Variants in YWHAE observed in about 807,000 individuals in gnomAD.
The protein encoded by YWHAE is tyrosine 3-monooxygenase/tryptophan 5-monooxygenase activation protein epsilon.
Under a neutral mutation model 30.1 loss-of-function variants are expected in YWHAE, and 4 were observed. That is an observed-to-expected ratio of 0.13 (90% CI 0.07 to 0.30). The LOEUF is 0.30. Among genes scored for constraint, YWHAE ranks in the 10% least tolerant of loss-of-function variants. The probability of loss-of-function intolerance (pLI) is 1.00; values close to 1 mark genes in which losing one functional copy is unlikely to be tolerated. For synonymous variants in YWHAE, 118 were observed against 111.8 expected (o/e 1.06, Z -0.35); for missense variants, 121 against 315.9 (o/e 0.38, Z 4.68).
At chr17:1,365,129 T>A in intron 1 of YWHAE, 71 bp from the exon 2 acceptor site, 1 of 1,492,044 alleles carries the variant, frequency 6.7e-7, no homozygotes, top group Non-Finnish European at 9.1e-7. Context: ...TCAAAGTAGT[T>A]TTTTTCTGTC....
At chr17:1,399,769 C>T in intron 1 of YWHAE, 2 of 405,518 alleles carry the variant, frequency 4.9e-6, no homozygotes, top group Middle Eastern at 7.1e-4. Context: ...GGGACTCGCC[C>T]TCCCCCCAGC....
intron 1 of YWHAE, 75 bp from the exon 2 acceptor site, chr17:1,365,133 T>C (rs1457085764): frequency 6.8e-7 from 1 of 1,476,798 alleles, no homozygotes; most frequent in Non-Finnish European, 9.2e-7. Flanking sequence ...AGTAGTTTTT[T>C]TCTGTCAAGC....
chr17:1,374,181 C>G (rs1029539217), intron 1 of YWHAE, among the ~76,000 whole-genome samples: 1 of 151,832 alleles, frequency 6.6e-6, no homozygotes, highest in Non-Finnish European at 1.5e-5. Context: ...GCCATGATGT[C>G]TAGGCGAATG....
chr17:1,396,509 A>G (rs554562332), intron 1 of YWHAE, among the ~76,000 whole-genome samples: 1 of 152,286 alleles, frequency 6.6e-6, no homozygotes, highest in African/African-American at 2.4e-5. Context: ...ACTTCATCCT[A>G]CCTTCCATGA....
chr17:1,361,643 A>G (rs1168406755), intron 3 of YWHAE: 3 of 447,736 alleles, frequency 6.7e-6, no homozygotes, highest in African/African-American at 2.0e-5. Context: ...ATGTCTATAT[A>G]TAACACTAAG....
chr17:1,398,053 A>G (rs1435993094), intron 1 of YWHAE, among the ~76,000 whole-genome samples: 1 of 152,206 alleles, frequency 6.6e-6, no homozygotes, highest in Admixed American at 6.5e-5. Context: ...ACAAGCTTTC[A>G]AATCAGTTTT....
chr17:1,394,452 A>AAAAAAAAAAAAAAAC (rs2073435562), intron 1 of YWHAE, among the ~76,000 whole-genome samples: 2 of 150,172 alleles, frequency 1.3e-5, no homozygotes, highest in African/African-American at 5.0e-5. Context: ...AAAAAAAAAA[A>AAAAAAAAAAAAAAAC]AAAAAAAAAC....
At chr17:1,399,764 T>TC in intron 1 of YWHAE, 4 of 70,342 alleles carry the variant, frequency 5.7e-5, no homozygotes, top group South Asian at 2.4e-4. Context: ...GCCCCGGGAC[T>TC]CGCCCTCCCC....
At chr17:1,399,811 C>A in intron 1 of YWHAE, 1 of 559,492 alleles carries the variant, frequency 1.8e-6, no homozygotes, top group Non-Finnish European at 3.2e-6. Context: ...TCCACCCCGT[C>A]GCCCCGGCCT....
intron 1 of YWHAE, among the ~76,000 whole-genome samples, chr17:1,388,559 C>T (rs906172595): frequency 2.2e-5 from 3 of 138,034 alleles, no homozygotes; most frequent in African/African-American, 8.3e-5. Context: ...CAGGCATGAG[C>T]AAACCATGCC....
intron 1 of YWHAE, among the ~76,000 whole-genome samples, chr17:1,379,848 T>C (rs2073177992): frequency 6.6e-6 from 1 of 152,192 alleles, no homozygotes; most frequent in South Asian, 2.1e-4. Context: ...GATTAGTTGG[T>C]TGACATGTAA....
In YWHAE at chr17:1,366,695, C is replaced by A. The variant is rs533960738; in HGVS notation, c.65-1637G>T. 4.0e-5 allele frequency among the ~76,000 whole-genome samples: 6 copies of A among 151,186 alleles called. No individual in the cohort carries two copies. In the South Asian group the frequency reaches 1.0e-3, roughly 26 times the overall value. On this transcript the variant is annotated intron_variant, in intron 1 of 5. Transcript: ENST00000264335. ...CGGTGGATCACACCTGTAATCTCAG[C>A]ACTTTGGGAGGCCAAGGTGGGTGGA...
chr17:1,352,352 C>T (rs559378945), intron 5 of YWHAE: 1 of 152,248 alleles, frequency 6.6e-6, no homozygotes, highest in East Asian at 1.9e-4. Flanking sequence ...CCAAAAGTCA[C>T]AAATCTGATT....
chr17:1,400,196 G>A lies in YWHAE; in HGVS notation c.-86C>T. On this transcript the variant is annotated 5_prime_UTR_variant, in exon 1 of 6. Coordinates refer to ENST00000264335, the MANE Select transcript of YWHAE (RefSeq NM_006761.5). ...TCTCAGCCTCTCGCTCCGCGTCCGG[G>A]CAGCAAAAATGGCGGCGCCTCAATC... is the stretch of plus-strand genomic sequence containing the variant. The A allele has an allele frequency of 2.6e-6, 4 of 1,544,886 alleles. No homozygotes were observed. In the South Asian group the frequency reaches 3.4e-5, roughly 13 times the overall value.
chr17:1,344,858 T>C lies in YWHAE; in HGVS notation c.*589A>G, dbSNP rs749414755. 2.1e-5 allele frequency: 5 copies of C among 233,200 alleles called. No homozygotes were observed. Among genetic ancestry groups the C allele is most frequent in the African/African-American group, 4.4e-5 (2 of 45,298 alleles). 14.4% of individuals were successfully genotyped at this position (233,200 alleles called of 1,614,324 possible). ...GGCAAGAATGAGCAGCCACGGATTG[T>C]TGAACTGTTACCAGCACCATGCTTT... On this transcript the variant is annotated 3_prime_UTR_variant, in exon 6 of 6. Coordinates refer to ENST00000264335, the MANE Select transcript of YWHAE (RefSeq NM_006761.5).
At chr17:1,357,749 A>C (rs535456598) in intron 4 of YWHAE, among the ~76,000 whole-genome samples, 49 of 151,522 alleles carry the variant, frequency 3.2e-4, no homozygotes, top group Non-Finnish European at 5.7e-4. Flanking sequence ...AACACTGTGA[A>C]AACCCATCTC....
At position 1,391,983 on chromosome 17, in the gene YWHAE, G is replaced by A. The variant is rs532098165; in HGVS notation, c.64+8064C>T. Among the ~76,000 whole-genome samples the A allele has an allele frequency of 2.2e-4, 33 of 152,146 alleles. 1 individual carries two copies. The highest frequency in any genetic ancestry group is 5.1e-4 in the African/African-American group (21 of 41,500). On this transcript the variant is annotated intron_variant, in intron 1 of 5. Transcript: ENST00000264335. ...TGTAATCGCAAAACTTTGGGAGGCC[G>A]AGGCAGGTGAATCTTGAGCTCGAGT...
chr17:1,357,804 G>A (rs1302503921), intron 4 of YWHAE, among the ~76,000 whole-genome samples: 4 of 151,686 alleles, frequency 2.6e-5, no homozygotes, highest in African/African-American at 4.8e-5. Flanking sequence ...GCGGGCGTCT[G>A]TAATCCCAGC....
intron 1 of YWHAE, among the ~76,000 whole-genome samples, chr17:1,369,333 A>C (rs546174869): frequency 1.8e-4 from 27 of 152,232 alleles, no homozygotes; most frequent in Admixed American, 1.6e-3. Context: ...GTCTCTACTA[A>C]AAATACAAAA....
Sources: gnomAD v4.1 joint callset for allele counts (sites outside exome capture counted in the v4.1 genomes callset) on GRCh38, gnomAD v4.1.1 for gene constraint, MANE v1.5 for transcripts, NCBI Gene and HGNC (gene_info 2026-07-23, HGNC 2026-07-21) for gene names.